FARS2: variants seen among roughly 807,000 people sequenced by gnomAD.
FARS2 encodes the protein phenylalanyl-tRNA synthetase 2, mitochondrial.
FARS2 carries 40 observed loss-of-function variants against 46.4 expected under a neutral mutation model. That is an observed-to-expected ratio of 0.86 (90% CI 0.67 to 1.12). The LOEUF is 1.12. Among genes scored for constraint, FARS2 ranks in the 50% most tolerant of loss-of-function variants. The pLI is 0.00. For synonymous variants in FARS2, 234 were observed against 214.9 expected (o/e 1.09, Z -0.78); for missense variants, 513 against 567.9 (o/e 0.90, Z 0.98).
chr6:5,388,007 C>T (rs377612389), intron 2 of FARS2, among the ~76,000 whole-genome samples: 2 of 152,242 alleles, frequency 1.3e-5, no homozygotes, highest in East Asian at 1.9e-4. Flanking sequence ...CTTATATTAG[C>T]ATGGTACATT....
At chr6:5,735,077 T>A (rs983523065) in intron 6 of FARS2, among the ~76,000 whole-genome samples, 4 of 152,270 alleles carry the variant, frequency 2.6e-5, no homozygotes, top group Admixed American at 1.3e-4. Flanking sequence ...AACAGTATTA[T>A]TAGTTATTAA....
chr6:5,252,052 T>C, the FARS2 span, among the ~76,000 whole-genome samples: 2 of 152,204 alleles, frequency 1.3e-5, no homozygotes, highest in African/African-American at 2.4e-5. Context: ...GTGTAGTACA[T>C]AGTAAGCGAG....
At chr6:5,316,546 GA>G (rs746598905) in intron 1 of FARS2, among the ~76,000 whole-genome samples, 43 of 152,294 alleles carry the variant, frequency 2.8e-4, no homozygotes, top group Admixed American at 8.5e-4. Flanking sequence ...TACCTGGAAT[GA>G]CAGGTGACCG....
intron 6 of FARS2, among the ~76,000 whole-genome samples, chr6:5,708,224 A>C (rs1186669212): frequency 6.6e-6 from 1 of 152,062 alleles, no homozygotes; most frequent in Non-Finnish European, 1.5e-5. Flanking sequence ...TTTTGTGAGA[A>C]ATTTTCATTC....
intron 1 of FARS2, among the ~76,000 whole-genome samples, chr6:5,356,584 C>T (rs1757946215): frequency 6.6e-6 from 1 of 152,090 alleles, no homozygotes; most frequent in African/African-American, 2.4e-5. Context: ...ATGTTAAGAG[C>T]TTCATTTAGG....
At chr6:5,658,122 G>A (rs1231044831) in intron 6 of FARS2, among the ~76,000 whole-genome samples, 4 of 152,120 alleles carry the variant, frequency 2.6e-5, no homozygotes, top group African/African-American at 9.7e-5. Context: ...TGGGCGTGGT[G>A]GTGCATGTCT....
intron 5 of FARS2, among the ~76,000 whole-genome samples, chr6:5,586,298 T>C (rs1582513548): frequency 6.6e-6 from 1 of 152,190 alleles, no homozygotes; most frequent in East Asian, 1.9e-4. Flanking sequence ...TCCTTAATCT[T>C]AGAGGAAAAG....
At position 5,368,839 on chromosome 6, in the gene FARS2, A is replaced by G; in HGVS notation, c.269A>G (p.Lys90Arg). 6.2e-7 allele frequency: 1 copy of G among 1,614,170 alleles called. No homozygotes were observed. Among genetic ancestry groups the G allele is most frequent in the Non-Finnish European group, 8.5e-7 (1 of 1,180,010 alleles). Reference sequence around the variant, plus strand: ...CAGCATCACCCTCTGTGGCTGATCAAGGAGAGGGTGAAGGAGCACTTCTAC... The same window carrying G: ...CAGCATCACCCTCTGTGGCTGATCAGGGAGAGGGTGAAGGAGCACTTCTAC... The part of the protein sequence containing the change: ...NQQHHPLWLI[K>R]ERVKEHFYKQ... The change falls in exon 2 of 7, where the codon AAG (lysine) becomes AGG (arginine). Residue 90 changes from lysine (K) to arginine (R), a missense_variant. Lys to Arg is a conservative substitution (Grantham distance 26). Coordinates refer to ENST00000274680, the MANE Select transcript of FARS2 (RefSeq NM_006567.5).
At chr6:5,493,209 CAAAA>C (rs34541325) in intron 4 of FARS2, among the ~76,000 whole-genome samples, 13 of 92,874 alleles carry the variant, frequency 1.4e-4, no homozygotes, top group East Asian at 4.3e-4. Flanking sequence ...GACTGTGTCT[CAAAA>C]AAAAAAAAAA....
At chr6:5,510,278 G>C (rs915924550) in intron 4 of FARS2, among the ~76,000 whole-genome samples, 3 of 152,028 alleles carry the variant, frequency 2.0e-5, no homozygotes, top group African/African-American at 7.2e-5. Context: ...TGAGTTAGTC[G>C]ACCCCTTAGG....
At chr6:5,596,939 G>A (rs1239085292) in intron 5 of FARS2, among the ~76,000 whole-genome samples, 2 of 152,196 alleles carry the variant, frequency 1.3e-5, no homozygotes, top group Non-Finnish European at 2.9e-5. Context: ...CAATGGCCCA[G>A]GGTTTTCACA....
chr6:5,544,311 C>T (rs1770825135), intron 4 of FARS2, among the ~76,000 whole-genome samples: 1 of 152,196 alleles, frequency 6.6e-6, no homozygotes, highest in Non-Finnish European at 1.5e-5. Context: ...CCCACCCATA[C>T]TCAACGGGAG....
intron 6 of FARS2, among the ~76,000 whole-genome samples, chr6:5,697,233 T>C (rs1177777017): frequency 6.6e-6 from 1 of 152,162 alleles, no homozygotes; most frequent in Non-Finnish European, 1.5e-5. Flanking sequence ...AGAGAGCAAA[T>C]TGATGGCCGA....
At chr6:5,718,366 T>C (rs1419397692) in intron 6 of FARS2, among the ~76,000 whole-genome samples, 2 of 152,244 alleles carry the variant, frequency 1.3e-5, no homozygotes, top group Admixed American at 1.3e-4. Flanking sequence ...GGGCCCATGG[T>C]GGGATCTTGC....
intron 4 of FARS2, chr6:5,466,711 C>CCGCCGGGCGCGGTGG: frequency 1.0e-6 from 1 of 983,754 alleles, no homozygotes; most frequent in African/African-American, 1.7e-5. Context: ...ATGCCTGTTT[C>CCGCCGGGCGCGGTGG]CTTCCAGAGA....
At chr6:5,438,034 C>T (rs891896109) in intron 4 of FARS2, among the ~76,000 whole-genome samples, 13 of 151,752 alleles carry the variant, frequency 8.6e-5, no homozygotes, top group East Asian at 5.8e-4. Flanking sequence ...TATAGAATTC[C>T]GGATTGATGG....
intron 4 of FARS2, among the ~76,000 whole-genome samples, chr6:5,432,364 ATATAT>A (rs1157141067): frequency 1.7e-5 from 2 of 115,076 alleles, no homozygotes; most frequent in Non-Finnish European, 3.4e-5. Flanking sequence ...TATATATATA[ATATAT>A]TATATATTTA....
At chr6:5,490,846 G>C (rs1267593778) in intron 4 of FARS2, among the ~76,000 whole-genome samples, 1 of 152,198 alleles carries the variant, frequency 6.6e-6, no homozygotes, top group Admixed American at 6.5e-5. Context: ...GAGTGAGCTT[G>C]GAAGCAGATA....
intron 4 of FARS2, among the ~76,000 whole-genome samples, chr6:5,530,676 T>G (rs2150453990): frequency 6.8e-6 from 1 of 147,478 alleles, no homozygotes; most frequent in African/African-American, 2.5e-5. Context: ...TTTATATTTA[T>G]AAATATAAAA....
Sources: allele counts gnomAD v4.1 joint callset (sites outside exome capture counted in the v4.1 genomes callset), GRCh38; gene constraint gnomAD v4.1.1; transcripts MANE v1.5; gene names NCBI Gene and HGNC (gene_info 2026-07-23, HGNC 2026-07-21).